CFAP299: variants seen among roughly 807,000 people sequenced by gnomAD.
The protein encoded by CFAP299 is cilia and flagella associated protein 299, also known as cilia- and flagella-associated protein 299.
A neutral mutation model predicts 27.0 loss-of-function variants in CFAP299; 21 were observed. The ratio of observed to expected loss-of-function variants is 0.78; its 90% CI spans 0.55 to 1.12. CFAP299 has a LOEUF of 1.12. Ranked by LOEUF, CFAP299 falls within the 50% of genes most tolerant of loss-of-function variation. The pLI is 0.00. For missense variants in CFAP299, 310 were observed against 276.6 expected (o/e 1.12, Z -0.86); for synonymous variants, 104 against 98.1 (o/e 1.06, Z -0.36).
At chr4:80,917,014 T>A (rs1241762433) in intron 4 of CFAP299, among the ~76,000 whole-genome samples, 1 of 151,878 alleles carries the variant, frequency 6.6e-6, no homozygotes, top group East Asian at 1.9e-4. Context: ...ATCAGCAACA[T>A]TTGGAAGGAA....
At chr4:80,499,628 A>G (rs1578520037) in intron 2 of CFAP299, among the ~76,000 whole-genome samples, 1 of 152,172 alleles carries the variant, frequency 6.6e-6, no homozygotes, top group East Asian at 1.9e-4. Flanking sequence ...TAAGTGGAAA[A>G]TCTCTGATAG....
chr4:80,871,699 A>C (rs1733106531), intron 4 of CFAP299: 2 of 900,766 alleles, frequency 2.2e-6, no homozygotes, highest in Non-Finnish European at 2.7e-6. Flanking sequence ...TGTTTTGTTA[A>C]AGCAAATTTA....
At chr4:80,750,723 A>G (rs955101303) in intron 3 of CFAP299, among the ~76,000 whole-genome samples, 2 of 152,236 alleles carry the variant, frequency 1.3e-5, no homozygotes, top group African/African-American at 4.8e-5. Context: ...GATATCAGAT[A>G]AAAAATGTGC....
chr4:80,784,515 T>TTTTC (rs571913678), intron 3 of CFAP299, among the ~76,000 whole-genome samples: 113 of 152,132 alleles, frequency 7.4e-4, no homozygotes, highest in African/African-American at 2.5e-3. Context: ...CTTTTTTTTC[T>TTTTC]TTTCTTTCTT....
chr4:80,514,449 A>G (rs1732480332), intron 2 of CFAP299, among the ~76,000 whole-genome samples: 1 of 152,230 alleles, frequency 6.6e-6, no homozygotes, highest in East Asian at 1.9e-4. Flanking sequence ...TATATCTTAA[A>G]ATAGTTTTAA....
chr4:80,857,177 G>A (rs1731963568), intron 3 of CFAP299, among the ~76,000 whole-genome samples: 1 of 152,152 alleles, frequency 6.6e-6, no homozygotes, highest in South Asian at 2.1e-4. Context: ...TTGTGAATGG[G>A]AGTTCACTCA....
At chr4:80,461,797 T>C (rs1560577894) in intron 2 of CFAP299, among the ~76,000 whole-genome samples, 1 of 152,182 alleles carries the variant, frequency 6.6e-6, no homozygotes, top group Non-Finnish European at 1.5e-5. Context: ...TCTTCAATTA[T>C]TATTTTGCAC....
intron 2 of CFAP299, among the ~76,000 whole-genome samples, chr4:80,476,960 C>CACGT (rs1730309398): frequency 2.8e-5 from 3 of 106,568 alleles, no homozygotes; most frequent in Non-Finnish European, 6.6e-5. Flanking sequence ...TGTGCGCATG[C>CACGT]GTGTGTGTGT....
chr4:80,825,553 T>G (rs971671458), intron 3 of CFAP299, among the ~76,000 whole-genome samples: 3 of 151,966 alleles, frequency 2.0e-5, no homozygotes, highest in Non-Finnish European at 4.4e-5. Context: ...CAACATATTT[T>G]CCATCAGAAA....
At chr4:80,328,206 G>T in the CFAP299 span, among the ~76,000 whole-genome samples, 2 of 152,148 alleles carry the variant, frequency 1.3e-5, no homozygotes, top group African/African-American at 4.8e-5. Flanking sequence ...TTAATAAGGT[G>T]AAAGTAAAAA....
chr4:80,539,476 T>C (rs1733899675), intron 2 of CFAP299, among the ~76,000 whole-genome samples: 1 of 152,136 alleles, frequency 6.6e-6, no homozygotes, highest in Admixed American at 6.5e-5. Context: ...TAGGATTGGC[T>C]AGTTTGAATA....
intron 3 of CFAP299, among the ~76,000 whole-genome samples, chr4:80,824,714 A>C (rs2110126755): frequency 6.6e-6 from 1 of 152,278 alleles, no homozygotes; most frequent in South Asian, 2.1e-4. Flanking sequence ...CAGGCATGAC[A>C]TGAAGATGAA....
At chr4:80,830,657 T>C (rs569694881) in intron 3 of CFAP299, among the ~76,000 whole-genome samples, 1 of 152,162 alleles carries the variant, frequency 6.6e-6, no homozygotes, top group African/African-American at 2.4e-5. Context: ...AGGACTCAAC[T>C]TGGAATGTTA....
At chr4:80,948,436 ATTCACACCCACCAAAATG>A (rs1280086742) in intron 5 of CFAP299, among the ~76,000 whole-genome samples, 4 of 68,122 alleles carry the variant, frequency 5.9e-5, no homozygotes, top group Admixed American at 5.3e-4. Flanking sequence ...TGTTTGAGTG[ATTCACACCCACCAAAATG>A]TTTCCAGTGT....
intron 4 of CFAP299, among the ~76,000 whole-genome samples, chr4:80,922,942 AT>A (rs2110212200): frequency 6.6e-6 from 1 of 151,618 alleles, no homozygotes; most frequent in African/African-American, 2.4e-5. Flanking sequence ...TTTTACATAT[AT>A]TTGAAAGAGA....
At chr4:80,939,825 C>A (rs976207295) in intron 4 of CFAP299, among the ~76,000 whole-genome samples, 1 of 151,940 alleles carries the variant, frequency 6.6e-6, no homozygotes, top group Non-Finnish European at 1.5e-5. Context: ...TTTTGAGGGT[C>A]TCTCAGGCCT....
At chr4:80,689,614 C>G (rs1339018626) in intron 3 of CFAP299, among the ~76,000 whole-genome samples, 3 of 152,158 alleles carry the variant, frequency 2.0e-5, no homozygotes, top group Non-Finnish European at 2.9e-5. Context: ...ATCATTGAGA[C>G]TAGGCAGAAA....
intron 2 of CFAP299, among the ~76,000 whole-genome samples, chr4:80,458,495 A>G (rs1345712370): frequency 6.6e-6 from 1 of 152,162 alleles, no homozygotes; most frequent in Non-Finnish European, 1.5e-5. Flanking sequence ...AAAAAATCTC[A>G]CCAAGGGAGC....
intron 2 of CFAP299, among the ~76,000 whole-genome samples, chr4:80,429,889 A>T (rs969443221): frequency 1.3e-5 from 2 of 152,188 alleles, no homozygotes; most frequent in Non-Finnish European, 2.9e-5. Context: ...AGGCTTAGGT[A>T]AAATAAATAA....
Sources: gnomAD v4.1 joint callset for allele counts (sites outside exome capture counted in the v4.1 genomes callset) on GRCh38, gnomAD v4.1.1 for gene constraint, MANE v1.5 for transcripts, NCBI Gene and HGNC (gene_info 2026-07-23, HGNC 2026-07-21) for gene names.